Variants in GPHN observed in about 807,000 individuals in gnomAD.
The protein encoded by GPHN is gephyrin.
A neutral mutation model predicts 95.5 loss-of-function variants in GPHN; 17 were observed. The ratio of observed to expected loss-of-function variants is 0.18; its 90% CI spans 0.12 to 0.27. The LOEUF (loss-of-function observed/expected upper bound fraction) is 0.27, where lower values mean the gene tolerates loss of function less well. Ranked by LOEUF, GPHN falls within the 10% of genes least tolerant of loss-of-function variation. The pLI is 1.00. For synonymous variants in GPHN, 320 were observed against 322.5 expected (o/e 0.99, Z 0.08); for missense variants, 660 against 978.1 (o/e 0.67, Z 4.34).
At chr14:67,041,794 C>T (rs542685459) in intron 10 of GPHN, among the ~76,000 whole-genome samples, 1 of 152,334 alleles carries the variant, frequency 6.6e-6, no homozygotes, top group South Asian at 2.1e-4. Flanking sequence ...AATCGCCACA[C>T]TGTCTTCCAC....
intron 1 of GPHN, among the ~76,000 whole-genome samples, chr14:66,651,891 A>G (rs929554984): frequency 2.0e-5 from 3 of 151,986 alleles, no homozygotes; most frequent in Non-Finnish European, 4.4e-5. Flanking sequence ...CACTGATTCA[A>G]CATTATGGTG....
chr14:67,347,349 T>C, the GPHN span: 1 of 1,388,208 alleles, frequency 7.2e-7, no homozygotes, highest in East Asian at 2.3e-5. Context: ...ACTTAGTTCA[T>C]TTAAAGAGGA....
chr14:67,735,082 C>G, the GPHN span: 1 of 720,974 alleles, frequency 1.4e-6, no homozygotes, highest in East Asian at 2.5e-5. Context: ...CACCAAATAT[C>G]GGGAAGCTGA....
intron 2 of GPHN, among the ~76,000 whole-genome samples, chr14:66,768,980 G>A (rs1595844509): frequency 6.6e-6 from 1 of 151,960 alleles, no homozygotes; most frequent in Non-Finnish European, 1.5e-5. Flanking sequence ...ATTTTAGACA[G>A]TGTGTAGAAA....
chr14:67,015,424 C>A (rs138952263), intron 9 of GPHN, among the ~76,000 whole-genome samples: 607 of 152,202 alleles, frequency 4.0e-3, no homozygotes, highest in Middle Eastern at 0.014. Flanking sequence ...GCAGCCCAGG[C>A]GCTGTGGCTC....
intron 3 of GPHN, among the ~76,000 whole-genome samples, chr14:66,810,015 T>C (rs989478028): frequency 6.6e-6 from 1 of 152,086 alleles, no homozygotes; most frequent in Non-Finnish European, 1.5e-5. Flanking sequence ...AGATTAAATC[T>C]ACCTGTCTTT....
At chr14:67,631,772 C>T in the GPHN span, among the ~76,000 whole-genome samples, 4 of 152,158 alleles carry the variant, frequency 2.6e-5, no homozygotes, top group African/African-American at 9.7e-5. Context: ...TGTCAGTGTT[C>T]TCAGGATTCT....
chr14:67,575,545 G>A, the GPHN span: 8 of 943,296 alleles, frequency 8.5e-6, no homozygotes, highest in South Asian at 7.0e-5. Flanking sequence ...TCTATGTCCT[G>A]ATGAAAGTCC....
the GPHN span, among the ~76,000 whole-genome samples, chr14:67,577,763 T>C: frequency 6.6e-6 from 1 of 151,840 alleles, no homozygotes; most frequent in Non-Finnish European, 1.5e-5. Flanking sequence ...TTTTCTGTTT[T>C]TGTTTTTGTT....
At chr14:66,530,861 C>T (rs1436242766) in intron 1 of GPHN, among the ~76,000 whole-genome samples, 5 of 151,872 alleles carry the variant, frequency 3.3e-5, no homozygotes, top group South Asian at 2.1e-4. Context: ...CTGCCTTCTG[C>T]GTTGATCTCG....
intron 3 of GPHN, among the ~76,000 whole-genome samples, chr14:66,790,293 C>A (rs1332535457): frequency 6.6e-6 from 1 of 152,120 alleles, no homozygotes; most frequent in Non-Finnish European, 1.5e-5. Flanking sequence ...AGAGGTGAAT[C>A]AACAAATGGC....
chr14:67,502,948 A>C, the GPHN span, among the ~76,000 whole-genome samples: 1 of 152,306 alleles, frequency 6.6e-6, no homozygotes, highest in Middle Eastern at 3.4e-3. Context: ...CAATATGGTA[A>C]GCAAAACAAC....
chr14:66,772,390 C>A (rs992379650), intron 2 of GPHN, among the ~76,000 whole-genome samples: 48 of 152,174 alleles, frequency 3.2e-4, no homozygotes, highest in African/African-American at 1.2e-3. Context: ...ATGACTTTCA[C>A]CTGCTTTTGT....
At chr14:66,714,424 C>T (rs2069967615) in intron 2 of GPHN, among the ~76,000 whole-genome samples, 2 of 152,122 alleles carry the variant, frequency 1.3e-5, no homozygotes, top group South Asian at 4.1e-4. Context: ...TTGAGGTAAA[C>T]GATCATATCA....
At chr14:67,630,554 G>A in the GPHN span, among the ~76,000 whole-genome samples, 1 of 152,160 alleles carries the variant, frequency 6.6e-6, no homozygotes, top group Non-Finnish European at 1.5e-5. Flanking sequence ...AGTTACAAGC[G>A]AGGTTAGTAA....
chr14:66,667,576 G>A (rs1375937990), intron 1 of GPHN, among the ~76,000 whole-genome samples: 1 of 152,150 alleles, frequency 6.6e-6, no homozygotes, highest in Non-Finnish European at 1.5e-5. Context: ...TCAATAAATG[G>A]TGCTGGGATA....
chr14:66,928,653 T>C (rs2066616160), intron 8 of GPHN, among the ~76,000 whole-genome samples: 1 of 152,168 alleles, frequency 6.6e-6, no homozygotes, highest in Admixed American at 6.5e-5. Context: ...ATGTAGGTGC[T>C]TATTGGTATA....
intron 1 of GPHN, among the ~76,000 whole-genome samples, chr14:66,631,846 A>G (rs1029430154): frequency 1.3e-5 from 2 of 152,056 alleles, no homozygotes; most frequent in African/African-American, 4.8e-5. Context: ...TCTGCAAGTG[A>G]TTTCCGAATG....
chr14:67,707,358 A>G, the GPHN span, among the ~76,000 whole-genome samples: 1 of 152,216 alleles, frequency 6.6e-6, no homozygotes, highest in Non-Finnish European at 1.5e-5. Flanking sequence ...CATTTTTACT[A>G]AAGACAAATT....
Sources: gnomAD v4.1 joint callset for allele counts (sites outside exome capture counted in the v4.1 genomes callset) on GRCh38, gnomAD v4.1.1 for gene constraint, MANE v1.5 for transcripts, NCBI Gene and HGNC (gene_info 2026-07-23, HGNC 2026-07-21) for gene names.